The following CSNK2A2IP variants were observed in gnomAD, a reference collection of about 807,000 sequenced individuals.
The protein encoded by CSNK2A2IP is casein kinase II subunit alpha'-interacting protein.
chr3:88,466,239 A>G, the CSNK2A2IP span: 2 of 1,231,736 alleles, frequency 1.6e-6, no homozygotes, highest in Non-Finnish European at 2.0e-6. Flanking sequence ...GAGGCTTACC[A>G]GTGTCCCATT....
chr3:88,461,320 G>A, the CSNK2A2IP span, among the ~76,000 whole-genome samples: 1 of 152,046 alleles, frequency 6.6e-6, no homozygotes, highest in African/African-American at 2.4e-5. Flanking sequence ...TTGGGAGGCC[G>A]AGGTGGGTGG....
chr3:88,400,965 G>T, the CSNK2A2IP span, among the ~76,000 whole-genome samples: 3 of 152,194 alleles, frequency 2.0e-5, no homozygotes, highest in East Asian at 5.8e-4. Flanking sequence ...TGACTGAGAT[G>T]TAGGGTGTGT....
chr3:88,440,076 A>C, the CSNK2A2IP span, among the ~76,000 whole-genome samples: 3 of 152,206 alleles, frequency 2.0e-5, no homozygotes, highest in Non-Finnish European at 4.4e-5. Flanking sequence ...GGCAAGTTTA[A>C]ACTAAATATT....
chr3:88,404,929 C>T, the CSNK2A2IP span, among the ~76,000 whole-genome samples: 2 of 152,282 alleles, frequency 1.3e-5, no homozygotes, highest in African/African-American at 4.8e-5. Context: ...TAAGAACCCC[C>T]TGTTCCTGAT....
the CSNK2A2IP span, among the ~76,000 whole-genome samples, chr3:88,410,457 C>T: frequency 6.6e-6 from 1 of 152,030 alleles, no homozygotes; most frequent in Non-Finnish European, 1.5e-5. Flanking sequence ...GTGAACCACT[C>T]ATCCACTCCG....
the CSNK2A2IP span, among the ~76,000 whole-genome samples, chr3:88,363,609 T>C: frequency 1.3e-5 from 2 of 152,228 alleles, no homozygotes; most frequent in East Asian, 3.9e-4. Context: ...TGGGATGTCA[T>C]GCATCATTAG....
chr3:88,343,657 A>T, the CSNK2A2IP span, among the ~76,000 whole-genome samples: 5 of 152,022 alleles, frequency 3.3e-5, no homozygotes, highest in African/African-American at 1.2e-4. Context: ...AATGAAGTAC[A>T]TAAGGTTAGT....
the CSNK2A2IP span, among the ~76,000 whole-genome samples, chr3:88,440,618 GAAATAA>G: frequency 6.6e-6 from 1 of 152,180 alleles, no homozygotes; most frequent in South Asian, 2.1e-4. Flanking sequence ...AAGAGTACTA[GAAATAA>G]TATTTTCTTA....
At chr3:88,442,911 T>A in the CSNK2A2IP span, among the ~76,000 whole-genome samples, 1,041 of 152,154 alleles carry the variant, frequency 6.8e-3, 9 homozygotes, top group Middle Eastern at 0.071. Flanking sequence ...TTAATTAAGT[T>A]AAAATTGAAA....
At chr3:88,458,141 G>GGTTTTTTTTTTTTTTTTTTT in the CSNK2A2IP span, among the ~76,000 whole-genome samples, 2 of 83,304 alleles carry the variant, frequency 2.4e-5, 1 homozygote. Flanking sequence ...TGTAATTGTG[G>GGTTTTTTTTTTTTTTTTTTT]TTTTTTTTTT....
chr3:88,356,907 T>C, the CSNK2A2IP span, among the ~76,000 whole-genome samples: 1 of 152,316 alleles, frequency 6.6e-6, no homozygotes, highest in South Asian at 2.1e-4. Flanking sequence ...TTTTGAGAAA[T>C]GTCTATTCAG....
At chr3:88,453,413 ATTAAG>A in the CSNK2A2IP span, among the ~76,000 whole-genome samples, 19 of 152,276 alleles carry the variant, frequency 1.2e-4, no homozygotes, top group East Asian at 5.8e-4. Context: ...TATTCTGAGT[ATTAAG>A]TTAAGTAGAA....
the CSNK2A2IP span, among the ~76,000 whole-genome samples, chr3:88,461,723 T>C: frequency 1.3e-5 from 2 of 152,152 alleles, no homozygotes; most frequent in Non-Finnish European, 2.9e-5. Flanking sequence ...CACATTCTGA[T>C]AATGTGTAGC....
chr3:88,439,555 A>G, the CSNK2A2IP span, among the ~76,000 whole-genome samples: 2 of 151,884 alleles, frequency 1.3e-5, no homozygotes, highest in Non-Finnish European at 2.9e-5. Flanking sequence ...CATCCTGGCC[A>G]AAATGGTGAA....
At chr3:88,466,883 C>T in the CSNK2A2IP span, 2 of 1,205,832 alleles carry the variant, frequency 1.7e-6, no homozygotes, top group Non-Finnish European at 2.1e-6. Context: ...ACACCTGAGG[C>T]CAATTCTGAG....
At chr3:88,393,616 C>T in the CSNK2A2IP span, among the ~76,000 whole-genome samples, 2 of 152,128 alleles carry the variant, frequency 1.3e-5, no homozygotes, top group Non-Finnish European at 2.9e-5. Flanking sequence ...AGCAGAGTGA[C>T]ATATACAGAA....
the CSNK2A2IP span, among the ~76,000 whole-genome samples, chr3:88,342,172 G>A: frequency 6.6e-6 from 1 of 151,800 alleles, no homozygotes; most frequent in Non-Finnish European, 1.5e-5. Flanking sequence ...TTCAGAGTTC[G>A]GTATGACTAT....
the CSNK2A2IP span, chr3:88,467,117 G>T: frequency 1.5e-5 from 7 of 454,294 alleles, no homozygotes; most frequent in Non-Finnish European, 2.5e-5. Context: ...AAAGTTATAG[G>T]CCAACAGCCC....
the CSNK2A2IP span, among the ~76,000 whole-genome samples, chr3:88,363,203 T>C: frequency 2.0e-5 from 3 of 152,260 alleles, no homozygotes; most frequent in East Asian, 3.8e-4. Flanking sequence ...TTTCTTGTTA[T>C]ATGTTAAATT....
Sources: gnomAD v4.1 joint callset for allele counts (sites outside exome capture counted in the v4.1 genomes callset) on GRCh38, gnomAD v4.1.1 for gene constraint, MANE v1.5 for transcripts, NCBI Gene and HGNC (gene_info 2026-07-23, HGNC 2026-07-21) for gene names.